The following NEGR1 variants were observed in gnomAD, a reference collection of about 807,000 sequenced individuals.
NEGR1 encodes the protein IgLON family member 4.
Under a neutral mutation model 40.9 loss-of-function variants are expected in NEGR1, and 10 were observed. The ratio of observed to expected loss-of-function variants is 0.24; its 90% confidence interval spans 0.15 to 0.42. The LOEUF (loss-of-function observed/expected upper bound fraction) is 0.42. NEGR1 is among the 10% of genes least tolerant of loss of function. The pLI, the probability that NEGR1 is intolerant of heterozygous loss-of-function variation, is 1.00. For synonymous variants in NEGR1, 185 were observed against 166.8 expected (o/e 1.11, Z -0.84); for missense variants, 352 against 438.9 (o/e 0.80, Z 1.77).
At chr1:71,706,758 C>A (rs574839315) in intron 3 of NEGR1, among the ~76,000 whole-genome samples, 1 of 151,852 alleles carries the variant, frequency 6.6e-6, no homozygotes, top group South Asian at 2.1e-4. Flanking sequence ...CAGAAGGAAA[C>A]CCACTGCCTT....
chr1:72,075,370 C>T (rs1158249130), intron 1 of NEGR1, among the ~76,000 whole-genome samples: 3 of 152,098 alleles, frequency 2.0e-5, no homozygotes, highest in Admixed American at 1.3e-4. Context: ...TCCTTTTACT[C>T]TAAATTCTAA....
chr1:71,872,405 T>A (rs1052474923), intron 2 of NEGR1, among the ~76,000 whole-genome samples: 3 of 152,166 alleles, frequency 2.0e-5, no homozygotes, highest in African/African-American at 7.2e-5. Context: ...CGCGTATTTC[T>A]GTGACAAGCC....
chr1:71,574,122 C>G (rs958665101), intron 6 of NEGR1, among the ~76,000 whole-genome samples: 1 of 152,188 alleles, frequency 6.6e-6, no homozygotes, highest in Non-Finnish European at 1.5e-5. Context: ...GGCTTACTTA[C>G]TGGCTTCTGG....
At chr1:71,475,956 A>C (rs907421824) in intron 6 of NEGR1, among the ~76,000 whole-genome samples, 1 of 152,004 alleles carries the variant, frequency 6.6e-6, no homozygotes, top group African/African-American at 2.4e-5. Flanking sequence ...CACAAAACTT[A>C]ACTTAGACTC....
intron 4 of NEGR1, among the ~76,000 whole-genome samples, chr1:71,686,469 A>C (rs1351542936): frequency 2.0e-5 from 3 of 152,156 alleles, no homozygotes; most frequent in African/African-American, 7.2e-5. Context: ...GGTCATCCTG[A>C]AAGCTAATGG....
chr1:71,487,976 T>C (rs1646899115), intron 6 of NEGR1: 1 of 151,774 alleles, frequency 6.6e-6, no homozygotes, highest in Non-Finnish European at 1.5e-5. Context: ...TCTGATGTTT[T>C]TTCTTGTGCT....
chr1:72,041,053 T>C (rs1232780153), intron 1 of NEGR1, among the ~76,000 whole-genome samples: 1 of 151,976 alleles, frequency 6.6e-6, no homozygotes, highest in African/African-American at 2.4e-5. Flanking sequence ...AAAAGACAAA[T>C]TTGTTTGAGA....
chr1:72,280,519 C>CAT (rs1030984743), intron 1 of NEGR1, among the ~76,000 whole-genome samples: 5 of 152,090 alleles, frequency 3.3e-5, no homozygotes, highest in African/African-American at 9.7e-5. Context: ...ACAAACTTAA[C>CAT]ATAAAGAGAA....
At position 71,971,109 on chromosome 1, in the gene NEGR1, G is replaced by T. The variant is rs975004528; in HGVS notation, c.177-35798C>A. Among the ~76,000 whole-genome samples, 4 of 152,274 alleles carry T rather than the reference G, an allele frequency of 2.6e-5. No individual in the cohort carries two copies. In the Middle Eastern group the frequency reaches 0.01, roughly 388 times the overall value. On this transcript the variant is annotated intron_variant, in intron 1 of 6. Transcript: ENST00000357731. ...CAGAGATACACAGAGAAGGACACAT[G>T]AAGACAAAGGCAGAGATTCGATGCT...
intron 1 of NEGR1, among the ~76,000 whole-genome samples, chr1:72,134,801 G>A (rs1009789428): frequency 6.6e-6 from 1 of 151,264 alleles, no homozygotes; most frequent in Non-Finnish European, 1.5e-5. Context: ...GCAATGGCAC[G>A]TTCTCAGCTG....
intron 6 of NEGR1, among the ~76,000 whole-genome samples, chr1:71,522,548 A>C (rs1647166543): frequency 6.6e-6 from 1 of 151,952 alleles, no homozygotes; most frequent in South Asian, 2.1e-4. Flanking sequence ...AATGAAATAC[A>C]AAGATTGGTG....
At chr1:71,839,400 G>A (rs1253990344) in intron 2 of NEGR1, among the ~76,000 whole-genome samples, 6 of 151,158 alleles carry the variant, frequency 4.0e-5, no homozygotes, top group Admixed American at 4.0e-4. Context: ...TAGTAGAGAT[G>A]GGGTTTCGCC....
At chr1:72,026,826 C>A (rs1323599328) in intron 1 of NEGR1, among the ~76,000 whole-genome samples, 1 of 152,174 alleles carries the variant, frequency 6.6e-6, no homozygotes, top group Non-Finnish European at 1.5e-5. Flanking sequence ...CTCCATCAAT[C>A]CTTAACTTGC....
intron 2 of NEGR1, among the ~76,000 whole-genome samples, chr1:71,900,198 G>A (rs900733992): frequency 2.6e-5 from 4 of 152,120 alleles, no homozygotes; most frequent in Admixed American, 2.0e-4. Flanking sequence ...AAGAACTCTT[G>A]TAAGGGATGC....
chr1:71,504,557 C>T (rs1264432992), intron 6 of NEGR1, among the ~76,000 whole-genome samples: 2 of 152,126 alleles, frequency 1.3e-5, no homozygotes, highest in East Asian at 1.9e-4. Context: ...CCCCTCACAA[C>T]CGTTGAAGAC....
chr1:71,560,202 T>C (rs1648402481), intron 6 of NEGR1, among the ~76,000 whole-genome samples: 2 of 151,168 alleles, frequency 1.3e-5, no homozygotes. Flanking sequence ...AAGACATCTA[T>C]TCTTATAGTT....
chr1:71,409,920 T>C (rs565304599), intron 6 of NEGR1, among the ~76,000 whole-genome samples: 66 of 152,058 alleles, frequency 4.3e-4, no homozygotes, highest in African/African-American at 1.5e-3. Flanking sequence ...CAAGTTTTAA[T>C]TGAACTAGGT....
intron 1 of NEGR1, among the ~76,000 whole-genome samples, chr1:72,157,806 G>A (rs1651413735): frequency 1.3e-5 from 2 of 152,118 alleles, no homozygotes; most frequent in Non-Finnish European, 2.9e-5. Context: ...TCCCTTTGAA[G>A]CCTTTTCCAT....
intron 4 of NEGR1, among the ~76,000 whole-genome samples, chr1:71,613,477 T>G (rs1650335901): frequency 6.6e-6 from 1 of 151,736 alleles, no homozygotes; most frequent in South Asian, 2.1e-4. Flanking sequence ...TGAAACCCCG[T>G]CTCTACTAAA....
Sources: allele counts gnomAD v4.1 joint callset (sites outside exome capture counted in the v4.1 genomes callset), GRCh38; gene constraint gnomAD v4.1.1; transcripts MANE v1.5; gene names NCBI Gene and HGNC (gene_info 2026-07-23, HGNC 2026-07-21).